KMO: variants seen among roughly 807,000 people sequenced by gnomAD.
KMO encodes the protein kynurenine 3-hydroxylase.
KMO carries 24 observed loss-of-function variants against 57.8 expected under a neutral mutation model. That is an observed-to-expected ratio of 0.42 (90% CI 0.30 to 0.58). The LOEUF is 0.58. Ranked by LOEUF, KMO falls within the 20% of genes least tolerant of loss-of-function variation. The pLI, the probability that KMO is intolerant of heterozygous loss-of-function variation, is 0.22. For missense variants in KMO, 483 were observed against 588.2 expected, an observed-to-expected ratio of 0.82 and a Z score of 1.85; for synonymous variants, 210 against 193.6, an observed-to-expected ratio of 1.08 and a Z score of -0.70.
At chr1:241,540,089 T>G (rs1012899743) in intron 1 of KMO, among the ~76,000 whole-genome samples, 2 of 152,160 alleles carry the variant, frequency 1.3e-5, no homozygotes, top group Non-Finnish European at 2.9e-5. Context: ...ATATACAACC[T>G]GTTACCATTT....
At position 241,573,179 on chromosome 1, in the gene KMO, G is replaced by A. The variant is rs191099815; in HGVS notation, c.957+4532G>A. Among the ~76,000 whole-genome samples the A allele has an allele frequency of 3.5e-4, 54 of 152,166 alleles. 1 individual carries two copies. The highest frequency in any genetic ancestry group is 2.7e-3 in the Admixed American group (41 of 15,270). On this transcript the variant is annotated intron_variant, in intron 10 of 14. Transcript: ENST00000366559. Reference sequence around the variant, plus strand: ...ATTTTTTGCTAATTTTTGTAGAGACGTTTTGCCCTGTTGCCCAGGCTGGTT... The same window carrying A: ...ATTTTTTGCTAATTTTTGTAGAGACATTTTGCCCTGTTGCCCAGGCTGGTT...
At chr1:241,573,353 C>CCAAT (rs1351123048) in intron 10 of KMO, among the ~76,000 whole-genome samples, 1 of 152,050 alleles carries the variant, frequency 6.6e-6, no homozygotes, top group African/African-American at 2.4e-5. Context: ...TTTGCCTAGG[C>CCAAT]CAATGTCCAG....
intron 10 of KMO, among the ~76,000 whole-genome samples, chr1:241,579,519 A>G (rs745524591): frequency 1.3e-5 from 2 of 152,192 alleles, no homozygotes; most frequent in African/African-American, 2.4e-5. Context: ...TTGCCCAGCA[A>G]TTAGGGAGTA....
intron 6 of KMO, among the ~76,000 whole-genome samples, chr1:241,561,878 T>A (rs944045197): frequency 1.2e-4 from 18 of 152,230 alleles, no homozygotes; most frequent in African/African-American, 4.3e-4. Context: ...TGCCCTGTTT[T>A]CAAGATTCTC....
chr1:241,584,900 A>G (rs1244786664), intron 10 of KMO, among the ~76,000 whole-genome samples: 1 of 152,096 alleles, frequency 6.6e-6, no homozygotes, highest in Admixed American at 6.6e-5. Flanking sequence ...TGTGCAATTT[A>G]CTTACCTTAT....
At position 241,593,461 on chromosome 1, in the gene KMO, G is replaced by A. The variant is rs1364688009; in HGVS notation, c.*1308G>A. 1 of 354,998 alleles carries A rather than the reference G, an allele frequency of 2.8e-6. No individual in the cohort carries two copies. The highest frequency in any genetic ancestry group is 2.1e-5 in the African/African-American group (1 of 48,192). 22.0% of individuals were successfully genotyped at this position (354,998 alleles called of 1,614,324 possible). ...TAAAAATTGGGCAATAAAATAAAAT[G>A]ATTCAGTGTTTCTTTTCTATATTGT... is the stretch of plus-strand genomic sequence containing the variant. On this transcript the variant is annotated 3_prime_UTR_variant, in exon 15 of 15. Transcript: ENST00000366559.
intron 1 of KMO, among the ~76,000 whole-genome samples, chr1:241,539,800 G>A (rs1338386145): frequency 1.3e-5 from 2 of 152,168 alleles, no homozygotes; most frequent in African/African-American, 4.8e-5. Flanking sequence ...TAGAAGGAGG[G>A]TGTGGAGCTC....
chr1:241,589,862 T>A (rs1663175821), intron 12 of KMO, 150 bp from the exon 13 acceptor site: 1 of 654,702 alleles, frequency 1.5e-6, no homozygotes, highest in African/African-American at 1.8e-5. Context: ...TTTACCAAAA[T>A]GGATTGGGAA....
intron 1 of KMO, among the ~76,000 whole-genome samples, chr1:241,541,950 C>T (rs560773237): frequency 5.9e-4 from 90 of 152,216 alleles, no homozygotes; most frequent in African/African-American, 2.1e-3. Flanking sequence ...AGGTGTTATA[C>T]GCTTCATTAA....
rs7542992 is a variant in KMO at position 241,564,564 on chromosome 1, T to A, written c.616-423T>A. On this transcript the variant is annotated intron_variant, in intron 7 of 14. Coordinates refer to ENST00000366559, the MANE Select transcript of KMO (RefSeq NM_003679.5). The stretch of plus-strand genomic sequence containing the variant: ...ATAAGGCAAAAGATAAAGTAAAAAA[T>A]ATATATATAAATATATAATGTATGT... 1.8e-3 allele frequency among the ~76,000 whole-genome samples: 276 copies of A among 151,746 alleles called. 2 individuals are homozygous for A. Among genetic ancestry groups the A allele is most frequent in the African/African-American group, 5.6e-3 (233 of 41,446 alleles).
In KMO at chr1:241,594,874, T is replaced by C; in HGVS notation, c.*2721T>C. 1.6e-6 allele frequency: 1 copy of C among 620,936 alleles called. No homozygotes were observed. The highest frequency in any genetic ancestry group is 2.8e-6 in the Non-Finnish European group (1 of 362,104). The allele number at this position is 620,936 out of a possible 1,614,324, so 38.5% of individuals were successfully genotyped here. Reference sequence around the variant, plus strand: ...CACCCCAGAGCTTTATGTCTTTTATTCATTCTAATTCTTATTAACCGGAAT... The same window carrying C: ...CACCCCAGAGCTTTATGTCTTTTATCCATTCTAATTCTTATTAACCGGAAT... On this transcript the variant is annotated 3_prime_UTR_variant, in exon 15 of 15. Transcript: ENST00000366559.
At chr1:241,558,985 C>T (rs1003086349) in intron 5 of KMO, among the ~76,000 whole-genome samples, 20 of 151,334 alleles carry the variant, frequency 1.3e-4, no homozygotes, top group Non-Finnish European at 2.9e-4. Flanking sequence ...TGTTGGTGGG[C>T]GCCTGTAATC....
intron 7 of KMO, among the ~76,000 whole-genome samples, chr1:241,563,538 C>T (rs1558421662): frequency 6.6e-6 from 1 of 152,000 alleles, no homozygotes; most frequent in Non-Finnish European, 1.5e-5. Context: ...TTTTTTAGTG[C>T]TTATTGTACT....
chr1:241,569,590 G>T (rs1054195672), intron 10 of KMO, among the ~76,000 whole-genome samples: 1 of 152,010 alleles, frequency 6.6e-6, no homozygotes, highest in South Asian at 2.1e-4. Context: ...CCATATCTTT[G>T]CTATTGTGAA....
At chr1:241,549,261 G>GAA (rs1558414945) in intron 2 of KMO, among the ~76,000 whole-genome samples, 1 of 142,048 alleles carries the variant, frequency 7.0e-6, no homozygotes. Flanking sequence ...AAGAAAGAAA[G>GAA]AAAGAAAGGA....
At chr1:241,591,270 A>G (rs895288030) in intron 14 of KMO, among the ~76,000 whole-genome samples, 2 of 152,150 alleles carry the variant, frequency 1.3e-5, no homozygotes, top group Admixed American at 1.3e-4. Context: ...ATCTTCAAAC[A>G]TTAACTTAAG....
intron 10 of KMO, among the ~76,000 whole-genome samples, chr1:241,580,962 C>G (rs1032417585): frequency 6.6e-6 from 1 of 151,272 alleles, no homozygotes; most frequent in Non-Finnish European, 1.5e-5. Context: ...TGGGGTCTAT[C>G]ACTGTCTTTA....
At chr1:241,568,867 C>T (rs533520510) in intron 10 of KMO, among the ~76,000 whole-genome samples, 72 of 152,148 alleles carry the variant, frequency 4.7e-4, no homozygotes, top group African/African-American at 1.6e-3. Flanking sequence ...GAAAGCATAG[C>T]GCACTCATCC....
At chr1:241,587,633 G>A (rs369393724) in intron 11 of KMO, among the ~76,000 whole-genome samples, 1 of 152,008 alleles carries the variant, frequency 6.6e-6, no homozygotes, top group African/African-American at 2.4e-5. Context: ...TAGTAGAGAC[G>A]GGGTTTCGTC....
Sources: gnomAD v4.1 joint callset for allele counts (sites outside exome capture counted in the v4.1 genomes callset) on GRCh38, gnomAD v4.1.1 for gene constraint, MANE v1.5 for transcripts, NCBI Gene and HGNC (gene_info 2026-07-23, HGNC 2026-07-21) for gene names.